The following CHD1L variants were observed in gnomAD, a reference collection of about 807,000 sequenced individuals.
CHD1L encodes ATP-dependent chromatin remodeler CHD1L.
CHD1L carries 118 observed loss-of-function variants against 115.9 expected under a neutral mutation model. The observed-to-expected ratio is 1.02, with a 90% CI of 0.88 to 1.19. CHD1L has a LOEUF of 1.19. Ranked by LOEUF, CHD1L falls within the 50% of genes most tolerant of loss-of-function variation. CHD1L has a pLI of 0.00. For missense variants in CHD1L, 1,179 were observed against 1,065.3 expected (o/e 1.11, Z -1.49); for synonymous variants, 411 against 387.1 (o/e 1.06, Z -0.72).
At chr1:147,291,706 A>AGG in intron 20 of CHD1L, among the ~76,000 whole-genome samples, 154 bp downstream of exon 20, 1 of 152,126 alleles carries the variant, frequency 6.6e-6, no homozygotes, top group Non-Finnish European at 1.5e-5. Context: ...AAACAACAGA[A>AGG]ATGTATTTCC....
chr1:147,260,389 T>C (rs1019604646), intron 6 of CHD1L: 1 of 152,282 alleles, frequency 6.6e-6, no homozygotes, highest in Non-Finnish European at 1.5e-5. Context: ...AAACCTTTTT[T>C]CGAGTTCGAT....
At chr1:147,195,705 T>C in the CHD1L span, among the ~76,000 whole-genome samples, 18 of 152,162 alleles carry the variant, frequency 1.2e-4, no homozygotes, top group African/African-American at 4.3e-4. Flanking sequence ...AACTAGGGAC[T>C]ATGCCATGTA....
Position 147,279,960 on chromosome 1 carries a change from A to G in CHD1L, c.1540-66A>G, listed in dbSNP as rs587617472. The G allele has an allele frequency of 1.3e-4, 199 of 1,559,716 alleles. No homozygotes were observed. The African/African-American group carries it at 1.9e-3, about 15-fold the overall frequency. On this transcript the variant is annotated intron_variant, in intron 14 of 22. Coordinates refer to ENST00000369258, the MANE Select transcript of CHD1L (RefSeq NM_004284.6). ...CTGGTGTCGTTAATCCACTTAGCCAATCACTGATATCCTAATGTTTCTTTT... is the reference window on the plus strand; with the variant it reads ...CTGGTGTCGTTAATCCACTTAGCCAGTCACTGATATCCTAATGTTTCTTTT...
the CHD1L span, chr1:147,208,947 C>G: frequency 6.2e-7 from 1 of 1,613,976 alleles, no homozygotes; most frequent in Non-Finnish European, 8.5e-7. Context: ...CACAGATCTT[C>G]CATATAAAAT....
intron 6 of CHD1L, 120 bp downstream of exon 6, chr1:147,260,038 C>A: frequency 1.4e-6 from 1 of 711,546 alleles, no homozygotes. Context: ...GTTTCCCATG[C>A]ATATGTCCCC....
At chr1:147,268,676 A>G in intron 9 of CHD1L, 106 bp from the exon 10 acceptor site, 1 of 793,638 alleles carries the variant, frequency 1.3e-6, no homozygotes, top group East Asian at 2.6e-5. Flanking sequence ...CATCATGCAA[A>G]CAACTACTTA....
the CHD1L span, chr1:147,178,934 A>C: frequency 6.2e-7 from 1 of 1,602,156 alleles, no homozygotes; most frequent in Non-Finnish European, 8.6e-7. Flanking sequence ...AAGAATGCTA[A>C]AGGTTCCAAC....
chr1:147,222,659 A>T, the CHD1L span, among the ~76,000 whole-genome samples: 4 of 152,250 alleles, frequency 2.6e-5, no homozygotes, highest in South Asian at 6.2e-4. Flanking sequence ...CTGTTGGAAC[A>T]GAAGTCAGAG....
the CHD1L span, among the ~76,000 whole-genome samples, chr1:147,191,601 T>C: frequency 1.3e-5 from 2 of 151,858 alleles, no homozygotes; most frequent in Non-Finnish European, 2.9e-5. Context: ...GTCAGATGAG[T>C]AGGTTGTGAA....
chr1:147,248,748 T>C (rs1553934952), intron 1 of CHD1L, among the ~76,000 whole-genome samples: 1 of 152,188 alleles, frequency 6.6e-6, no homozygotes, highest in African/African-American at 2.4e-5. Context: ...TGTATGTAAA[T>C]GTACGTATGT....
At chr1:147,253,276 G>A (rs1553937656) in intron 2 of CHD1L, among the ~76,000 whole-genome samples, 1 of 152,090 alleles carries the variant, frequency 6.6e-6, no homozygotes, top group African/African-American at 2.4e-5. Context: ...GACACATCTG[G>A]TTTATAGTAA....
the CHD1L span, chr1:147,224,803 G>A: frequency 3.1e-6 from 4 of 1,303,314 alleles, no homozygotes; most frequent in South Asian, 2.5e-5. Context: ...TGCCAACCGC[G>A]CCCGGCCACC....
intron 7 of CHD1L, among the ~76,000 whole-genome samples, chr1:147,265,690 G>A (rs1474310007): frequency 6.6e-6 from 1 of 152,122 alleles, no homozygotes; most frequent in Non-Finnish European, 1.5e-5. Flanking sequence ...AAACAGCTTT[G>A]TGCAAATGAG....
At chr1:147,208,966 C>G in the CHD1L span, 11 of 1,613,910 alleles carry the variant, frequency 6.8e-6, no homozygotes, top group East Asian at 2.5e-4. Context: ...ATGTGTAAGT[C>G]GAGAAGAGAA....
intron 7 of CHD1L, 36 bp from the exon 8 acceptor site, chr1:147,265,896 T>A (rs1312518926): frequency 1.3e-6 from 2 of 1,580,690 alleles, no homozygotes; most frequent in Admixed American, 3.8e-5. Context: ...GTTCTACTTT[T>A]GTCCCACACT....
intron 19 of CHD1L, 44 bp from the exon 20 acceptor site, chr1:147,291,438 T>C (rs782816883): frequency 6.7e-7 from 1 of 1,496,090 alleles, no homozygotes; most frequent in Non-Finnish European, 9.3e-7. Context: ...CATTCATTAG[T>C]GAACTTGGTG....
chr1:147,194,324 T>G, the CHD1L span, among the ~76,000 whole-genome samples: 13 of 152,138 alleles, frequency 8.5e-5, no homozygotes. Flanking sequence ...AGACTAGGAT[T>G]GCAACCCCTG....
the CHD1L span, among the ~76,000 whole-genome samples, chr1:147,232,831 C>A: frequency 6.6e-6 from 1 of 152,142 alleles, no homozygotes; most frequent in Non-Finnish European, 1.5e-5. Flanking sequence ...AGTGCAGTGG[C>A]GTGATCTCGG....
the CHD1L span, among the ~76,000 whole-genome samples, chr1:147,232,476 C>T: frequency 2.8e-5 from 4 of 145,154 alleles, no homozygotes; most frequent in South Asian, 8.3e-4. Flanking sequence ...TAAACCTCAA[C>T]CTCTCCCTCT....
Sources: gnomAD v4.1 joint callset for allele counts (sites outside exome capture counted in the v4.1 genomes callset) on GRCh38, gnomAD v4.1.1 for gene constraint, MANE v1.5 for transcripts, NCBI Gene and HGNC (gene_info 2026-07-23, HGNC 2026-07-21) for gene names.